The following AKT3 variants were observed in gnomAD, a reference collection of about 807,000 sequenced individuals.
AKT3 encodes the protein RAC-gamma serine/threonine-protein kinase.
In AKT3, 15 loss-of-function variants were observed where a neutral mutation model predicts 65.3. The observed-to-expected ratio is 0.23, with a 90% CI of 0.15 to 0.35. The LOEUF (loss-of-function observed/expected upper bound fraction) is 0.35, where lower values mean the gene tolerates loss of function less well. Among genes scored for constraint, AKT3 ranks in the 10% least tolerant of loss-of-function variants. AKT3 has a pLI of 1.00. For missense variants in AKT3, 243 were observed against 576.5 expected (o/e 0.42, Z 5.92); for synonymous variants, 206 against 183.8 (o/e 1.12, Z -0.98).
chr1:243,573,158 A>C, intron 8 of AKT3, 110 bp from the exon 9 acceptor site: 8 of 1,280,796 alleles, frequency 6.2e-6, no homozygotes, highest in Non-Finnish European at 8.6e-6. Flanking sequence ...TAGATAGTGT[A>C]CTCTCAGTGG....
chr1:243,604,971 G>A (rs1490647692), intron 8 of AKT3, among the ~76,000 whole-genome samples: 4 of 152,032 alleles, frequency 2.6e-5, no homozygotes, highest in East Asian at 3.9e-4. Flanking sequence ...GTCATCTCTC[G>A]ACATAGTTAA....
Position 243,633,261 on chromosome 1 carries a change from A to C in AKT3, c.561+4350T>G, listed in dbSNP as rs534827046. 8.5e-5 allele frequency among the ~76,000 whole-genome samples: 13 copies of C among 152,316 alleles called. No homozygotes were observed. In the South Asian group the frequency reaches 2.5e-3, roughly 29 times the overall value. ...AAGAAAAGCTATAGTGAGTTATATT[A>C]AACCCTTCAGGTTTAAATATAAGGA... On this transcript the variant is annotated intron_variant, in intron 6 of 13. Coordinates refer to ENST00000673466, the MANE Select transcript of AKT3 (RefSeq NM_005465.7).
chr1:243,570,671 A>G (rs1050928135), intron 9 of AKT3, among the ~76,000 whole-genome samples: 3 of 152,208 alleles, frequency 2.0e-5, no homozygotes, highest in African/African-American at 7.2e-5. Context: ...CTTACCTAAA[A>G]TATGTCATTG....
chr1:243,551,724 G>T (rs551690163), intron 11 of AKT3, among the ~76,000 whole-genome samples: 74 of 152,058 alleles, frequency 4.9e-4, no homozygotes, highest in African/African-American at 1.7e-3. Context: ...ATACCTAGAT[G>T]GGAAGGCAGA....
intron 3 of AKT3, among the ~76,000 whole-genome samples, chr1:243,692,800 GT>G (rs1354252745): frequency 6.6e-6 from 1 of 151,978 alleles, no homozygotes; most frequent in Non-Finnish European, 1.5e-5. Flanking sequence ...TCACATAAAA[GT>G]TTTATTACTT....
At chr1:243,723,594 A>G (rs960872622) in intron 2 of AKT3, among the ~76,000 whole-genome samples, 1 of 152,114 alleles carries the variant, frequency 6.6e-6, no homozygotes, top group Non-Finnish European at 1.5e-5. Context: ...CAATCCAGCC[A>G]CCAACCCCTA....
At chr1:243,657,259 T>G (rs1456528902) in intron 4 of AKT3, among the ~76,000 whole-genome samples, 1 of 152,176 alleles carries the variant, frequency 6.6e-6, no homozygotes, top group Non-Finnish European at 1.5e-5. Context: ...CTCTAGACAC[T>G]GAATTTGCCA....
intron 4 of AKT3, among the ~76,000 whole-genome samples, chr1:243,658,073 T>C (rs1214150593): frequency 6.6e-6 from 1 of 152,154 alleles, no homozygotes. Flanking sequence ...TTAGAAATGA[T>C]TTCTTGATGC....
intron 2 of AKT3, among the ~76,000 whole-genome samples, chr1:243,821,427 A>G (rs1693848657): frequency 6.6e-6 from 1 of 152,198 alleles, no homozygotes. Flanking sequence ...AAATTCACAA[A>G]TAACAATATT....
chr1:243,507,611 A>G (rs1247486346), intron 13 of AKT3, among the ~76,000 whole-genome samples: 6 of 152,232 alleles, frequency 3.9e-5, no homozygotes, highest in African/African-American at 1.2e-4. Flanking sequence ...TCCTGCTGTG[A>G]GAGGCTGTGC....
chr1:243,769,680 G>A (rs1030394900), intron 2 of AKT3, among the ~76,000 whole-genome samples: 3 of 152,154 alleles, frequency 2.0e-5, no homozygotes, highest in Non-Finnish European at 2.9e-5. Context: ...AATATATTCT[G>A]GATACTAGGC....
intron 8 of AKT3, among the ~76,000 whole-genome samples, chr1:243,608,308 C>G (rs1209088711): frequency 1.3e-5 from 2 of 152,132 alleles, no homozygotes; most frequent in Non-Finnish European, 2.9e-5. Flanking sequence ...CAAGCATAAT[C>G]AAGAGCATGC....
intron 8 of AKT3, among the ~76,000 whole-genome samples, chr1:243,597,739 T>C (rs1219657785): frequency 3.3e-5 from 5 of 152,198 alleles, no homozygotes; most frequent in Non-Finnish European, 5.9e-5. Context: ...TGGGTTCAAG[T>C]GATCCTCCTG....
chr1:243,712,402 T>A (rs1382121643), intron 2 of AKT3, among the ~76,000 whole-genome samples: 1 of 152,194 alleles, frequency 6.6e-6, no homozygotes, highest in East Asian at 1.9e-4. Context: ...AAGACATTAC[T>A]CTGGACACGA....
chr1:243,645,880 T>C lies in AKT3; in HGVS notation c.429+13A>G. 1 of 1,598,088 alleles carries C rather than the reference T, an allele frequency of 6.3e-7. No individual in the cohort carries two copies. Among genetic ancestry groups the C allele is most frequent in the South Asian group, 1.1e-5 (1 of 88,240 alleles). ...AATGAATGCTGTGCTGGGAATAAGT[T>C]ATTATTTTCTACCTTTCTTTTATGA... is the stretch of plus-strand genomic sequence containing the variant. On this transcript the variant is annotated intron_variant, in intron 5 of 13. Transcript: ENST00000673466.
chr1:243,586,071 A>G (rs1675779143), intron 8 of AKT3, among the ~76,000 whole-genome samples: 1 of 152,230 alleles, frequency 6.6e-6, no homozygotes. Context: ...AGCAAATGAC[A>G]TGAACAGACA....
chr1:243,751,654 T>G (rs1688819936), intron 2 of AKT3, among the ~76,000 whole-genome samples: 1 of 152,158 alleles, frequency 6.6e-6, no homozygotes, highest in African/African-American at 2.4e-5. Flanking sequence ...GACTCAGATT[T>G]AGAAATGCAG....
intron 13 of AKT3, chr1:243,488,928 G>T: frequency 6.3e-7 from 1 of 1,598,038 alleles, no homozygotes; most frequent in South Asian, 1.1e-5. Flanking sequence ...TCCCTATCAG[G>T]GGCTTCCCTC....
At chr1:243,796,717 G>A (rs1692035908) in intron 2 of AKT3, among the ~76,000 whole-genome samples, 1 of 151,958 alleles carries the variant, frequency 6.6e-6, no homozygotes, top group South Asian at 2.1e-4. Flanking sequence ...TTCTTGCATG[G>A]CCCCTTCTCA....
Sources: gnomAD v4.1 joint callset for allele counts (sites outside exome capture counted in the v4.1 genomes callset) on GRCh38, gnomAD v4.1.1 for gene constraint, MANE v1.5 for transcripts, NCBI Gene and HGNC (gene_info 2026-07-23, HGNC 2026-07-21) for gene names.